LOXL3: variants seen among roughly 807,000 people sequenced by gnomAD.
LOXL3 encodes lysyl oxidase like 3, also known as lysyl oxidase homolog 3.
Under a neutral mutation model 91.8 loss-of-function variants are expected in LOXL3, and 60 were observed. That is an observed-to-expected ratio of 0.65 (90% CI 0.53 to 0.81). The LOEUF (loss-of-function observed/expected upper bound fraction) is 0.81. Among genes scored for constraint, LOXL3 ranks in the 30% least tolerant of loss-of-function variants. The pLI, the probability that LOXL3 is intolerant of heterozygous loss-of-function variation, is 0.00. For missense variants in LOXL3, 874 were observed against 1,000.4 expected (o/e 0.87, Z 1.70); for synonymous variants, 355 against 387.6 (o/e 0.92, Z 0.99).
chr2:74,534,195 C>A lies in LOXL3; in HGVS notation c.1981G>T (p.Gly661Cys). 1 of 1,614,188 alleles carries A rather than the reference C, an allele frequency of 6.2e-7. No individual in the cohort carries two copies. The highest frequency in any genetic ancestry group is 1.3e-5 in the African/African-American group (1 of 75,024). Residue 661 changes from glycine to cysteine, a missense_variant, in exon 12 of 14, where the codon GGC becomes TGC. By Grantham distance (159) the Gly-to-Cys change is radical. Transcript: ENST00000264094. ...RYECANFGEQ[G>C]ITVGCWDLYR... ...AGATCCCAGCAACCCACAGTGATGC[C>A]TTGCTCTCCAAAGTTGGCACACTCA...
Position 74,536,179 on chromosome 2 carries a change from T to C in LOXL3, c.1094-29A>G. 6.2e-7 allele frequency: 1 copy of C among 1,612,530 alleles called. No individual in the cohort carries two copies. Among genetic ancestry groups the C allele is most frequent in the Non-Finnish European group, 8.5e-7 (1 of 1,179,984 alleles). On this transcript the variant is annotated intron_variant, in intron 6 of 13. Transcript: ENST00000264094. This position sits in a 1 kb window ranked among gnomAD's most constrained non-coding sequence, Gnocchi z 4.5. ...GGGCCAGATGGCAAAGATCAGGAAG[T>C]TGTAATTAAGCATATATTGTCTGCC...
upstream of LOXL3, chr2:74,554,539 C>T: frequency 1.7e-6 from 1 of 576,336 alleles, no homozygotes; most frequent in Non-Finnish European, 3.1e-6. The surrounding 1 kb of genome is among the most constrained non-coding windows in gnomAD (Gnocchi z 4.9). Flanking sequence ...CGCGCCCCCA[C>T]GACGGCGGGT....
upstream of LOXL3, chr2:74,555,111 T>G: frequency 6.4e-7 from 1 of 1,571,694 alleles, no homozygotes. This position sits in a 1 kb window ranked among gnomAD's most constrained non-coding sequence, Gnocchi z 6.1. Context: ...CCGGGCCGCC[T>G]GCGCACGCCA....
chr2:74,540,157 C>A (rs572497423), intron 4 of LOXL3, among the ~76,000 whole-genome samples: 1 of 152,268 alleles, frequency 6.6e-6, no homozygotes, highest in African/African-American at 2.4e-5. Context: ...GAGACCCAAG[C>A]TTTCATAGCT....
At chr2:74,542,833 C>T (rs934183213) in intron 4 of LOXL3, among the ~76,000 whole-genome samples, 3 of 152,092 alleles carry the variant, frequency 2.0e-5, no homozygotes, top group Non-Finnish European at 4.4e-5. Context: ...TCATGTTGGC[C>T]AGGCTGGTCT....
Position 74,535,996 on chromosome 2 carries a change from C to G in LOXL3, c.1248G>C (p.Arg416Ser), listed in dbSNP as rs1447393207. The G allele has an allele frequency of 6.4e-7, 1 of 1,567,846 alleles. No individual in the cohort carries two copies. The highest frequency in any genetic ancestry group is 1.2e-5 in the South Asian group (1 of 82,206). ...CNLPYTGAET[R>S]IRLSGGRSQH... ...AACCAAGGTAGAGAGGATGACTGAC[C>G]CTGGTCTCTGCCCCAGTGTAAGGTA... Residue 416 changes from arginine to serine, a missense_variant and splice_region_variant, in exon 7 of 14, where the codon AGG (arginine) becomes AGC (serine). Coordinates refer to ENST00000264094, the MANE Select transcript of LOXL3 (RefSeq NM_032603.5). This position sits in a 1 kb window ranked among gnomAD's most constrained non-coding sequence, Gnocchi z 4.2.
At chr2:74,544,642 C>T (rs1227177339) in intron 4 of LOXL3, among the ~76,000 whole-genome samples, 1 of 152,178 alleles carries the variant, frequency 6.6e-6, no homozygotes, top group Non-Finnish European at 1.5e-5. Flanking sequence ...AGTTCTACAA[C>T]TTTTACATGT....
intron 4 of LOXL3, among the ~76,000 whole-genome samples, chr2:74,537,186 C>T (rs1301726249): frequency 6.6e-6 from 1 of 152,188 alleles, no homozygotes; most frequent in Non-Finnish European, 1.5e-5. Context: ...AGAAGGATGG[C>T]TAGTCTCGAC....
chr2:74,535,824 G>A lies in LOXL3; in HGVS notation c.1249-69C>T. 1 of 1,508,898 alleles carries A rather than the reference G, an allele frequency of 6.6e-7. No individual in the cohort carries two copies. The highest frequency in any genetic ancestry group is 8.8e-7 in the Non-Finnish European group (1 of 1,131,664). 93.5% of individuals were successfully genotyped at this position (1,508,898 alleles called of 1,614,324 possible). A position where few individuals can be genotyped will look rare whatever the true frequency, so the allele number is the denominator to read the frequency against. ...GAGGTAGTGGGAGTCTCTAACAGAT[G>A]TGGCTGAAGCGTGACTCAGGCACAT... On this transcript the variant is annotated intron_variant, in intron 7 of 13. Transcript: ENST00000264094. This position sits in a 1 kb window ranked among gnomAD's most constrained non-coding sequence, Gnocchi z 4.2.
intron 4 of LOXL3, chr2:74,539,695 A>G (rs1198966259): frequency 6.6e-6 from 1 of 152,574 alleles, no homozygotes; most frequent in African/African-American, 2.4e-5. Context: ...CTAATCCATC[A>G]GCTTGGGTTC....
chr2:74,535,596 C>A lies in LOXL3; in HGVS notation c.1408G>T (p.Gly470Cys), dbSNP rs761764571. Residue 470 changes from glycine (G) to cysteine (C), a missense_variant, in exon 8 of 14, where the codon GGC (glycine) becomes TGC (cysteine). Coordinates refer to ENST00000264094, the MANE Select transcript of LOXL3 (RefSeq NM_032603.5). This position sits in a 1 kb window ranked among gnomAD's most constrained non-coding sequence, Gnocchi z 4.2. The stretch of plus-strand genomic sequence containing the variant: ...CTTTCCTTCCCACTCACCTGCAGGC[C>A]GTGGTTGGCGTAGCCCAGACCCAGT... ...RQLGLGYANH[G>C]LQETWYWDSG... 6.2e-7 allele frequency: 1 copy of A among 1,613,924 alleles called. No homozygotes were observed. Among genetic ancestry groups the A allele is most frequent in the Non-Finnish European group, 8.5e-7 (1 of 1,180,036 alleles).
At position 74,536,983 on chromosome 2, in the gene LOXL3, C is replaced by A; in HGVS notation, c.693-55G>T. 1 of 1,451,146 alleles carries A rather than the reference C, an allele frequency of 6.9e-7. No individual in the cohort carries two copies. Among genetic ancestry groups the A allele is most frequent in the Non-Finnish European group, 9.6e-7 (1 of 1,044,818 alleles). The allele number at this position is 1,451,146 out of a possible 1,614,324, so 89.9% of individuals were successfully genotyped here. Reference sequence around the variant, plus strand: ...GTAAAACAATGCTCCTGCCTCTTGGCCCCACAAACATCCTCCCACTTCATG... The same window carrying A: ...GTAAAACAATGCTCCTGCCTCTTGGACCCACAAACATCCTCCCACTTCATG... On this transcript the variant is annotated intron_variant, in intron 4 of 13. Transcript: ENST00000264094. This position sits in a 1 kb window ranked among gnomAD's most constrained non-coding sequence, Gnocchi z 4.5.
chr2:74,535,186 CTT>C lies in LOXL3; in HGVS notation c.1579+104_1579+105del, dbSNP rs1675930005. 2 of 1,356,542 alleles carry C rather than the reference CTT, an allele frequency of 1.5e-6. No individual in the cohort carries two copies. Among genetic ancestry groups the C allele is most frequent in the East Asian group, 2.4e-5 (1 of 41,730 alleles). The allele number at this position is 1,356,542 out of a possible 1,614,324, so 84.0% of individuals were successfully genotyped here. On this transcript the variant is annotated intron_variant, in intron 9 of 13. Coordinates refer to ENST00000264094, the MANE Select transcript of LOXL3 (RefSeq NM_032603.5). This position sits in a 1 kb window ranked among gnomAD's most constrained non-coding sequence, Gnocchi z 4.2. ...GCCACTGCACCCGGCGAAACTGGCT[CTT>C]TTATGGGGAAGAAGTGCCCCTCCAG...
intron 2 of LOXL3, among the ~76,000 whole-genome samples, chr2:74,551,401 T>A (rs971089151): frequency 6.6e-5 from 10 of 152,252 alleles, no homozygotes; most frequent in African/African-American, 2.2e-4. Flanking sequence ...ACCATCAAAG[T>A]CCTTGTGACT....
intron 4 of LOXL3, among the ~76,000 whole-genome samples, chr2:74,537,731 G>A (rs1451234665): frequency 6.6e-6 from 1 of 152,250 alleles, no homozygotes; most frequent in Non-Finnish European, 1.5e-5. Flanking sequence ...TAATGGGACT[G>A]AACTATAGAT....
In LOXL3 at chr2:74,534,708, A is replaced by G. The variant is rs144364530; in HGVS notation, c.1646T>C (p.Leu549Pro). The G allele has an allele frequency of 1.2e-4, 197 of 1,614,032 alleles. No homozygotes were observed. Among genetic ancestry groups the G allele is most frequent in the South Asian group, 4.8e-4 (44 of 91,078 alleles). The change falls in exon 10 of 14, where the codon CTG becomes CCG. Residue 549 changes from leucine (L) to proline (P), a missense_variant. Leu to Pro is a moderately conservative substitution (Grantham distance 98). Transcript: ENST00000264094. ...TTCCGCAGCACAGTACAACATATGC[A>G]GGGGCCGGTCTTCGATGTAGGCGGT... ...QETAYIEDRP[L>P]HMLYCAAEEN...
chr2:74,534,487 T>C (rs1342869856), intron 10 of LOXL3, 44 bp downstream of exon 10: 3 of 1,613,308 alleles, frequency 1.9e-6, no homozygotes, highest in Non-Finnish European at 2.5e-6. Context: ...GTTTGCCCCA[T>C]CCCCCGTGGT....
Sources: allele counts gnomAD v4.1 joint callset (sites outside exome capture counted in the v4.1 genomes callset), GRCh38; gene constraint gnomAD v4.1.1; non-coding constraint Gnocchi (gnomAD v3.1); transcripts MANE v1.5; gene names NCBI Gene and HGNC (gene_info 2026-07-23, HGNC 2026-07-21).